The following STAMBP variants were observed in gnomAD, a reference collection of about 807,000 sequenced individuals.
The protein encoded by STAMBP is STAM-binding protein.
Under a neutral mutation model 50.7 loss-of-function variants are expected in STAMBP, and 31 were observed. That is an observed-to-expected ratio of 0.61 (90% CI 0.46 to 0.83). STAMBP has a LOEUF of 0.83. STAMBP is among the 40% of genes least tolerant of loss of function. The pLI is 0.00. For synonymous variants in STAMBP, 211 were observed against 192.4 expected, an observed-to-expected ratio of 1.10 and a Z score of -0.80; for missense variants, 472 against 518.9, an observed-to-expected ratio of 0.91 and a Z score of 0.88.
At chr2:73,843,495 C>G (rs1402219033) in intron 2 of STAMBP, among the ~76,000 whole-genome samples, 1 of 150,932 alleles carries the variant, frequency 6.6e-6, no homozygotes, top group Non-Finnish European at 1.5e-5. Flanking sequence ...TCTTGAACTC[C>G]TGGGCTCAAG....
chr2:73,833,249 T>G (rs922626211), intron 2 of STAMBP, among the ~76,000 whole-genome samples: 1 of 152,222 alleles, frequency 6.6e-6, no homozygotes, highest in African/African-American at 2.4e-5. Flanking sequence ...AACCTAACTC[T>G]TATGTTAAGT....
At chr2:73,838,461 T>C (rs1214962183) in intron 2 of STAMBP, among the ~76,000 whole-genome samples, 4 of 152,088 alleles carry the variant, frequency 2.6e-5, no homozygotes, top group African/African-American at 9.7e-5. Flanking sequence ...CGTGTGAACA[T>C]GTGTATGTAT....
At chr2:73,869,758 A>T (rs565719257), downstream of STAMBP, among the ~76,000 whole-genome samples, 1 of 152,266 alleles carries the variant, frequency 6.6e-6, no homozygotes, top group East Asian at 1.9e-4. Context: ...AAAATAAAAA[A>T]TAAACCTATA....
chr2:73,845,350 G>A, intron 4 of STAMBP, 88 bp downstream of exon 4: 1 of 913,944 alleles, frequency 1.1e-6, no homozygotes, highest in Non-Finnish European at 1.7e-6. Context: ...TATATCCTGT[G>A]CTTTTAATGT....
intron 7 of STAMBP, 44 bp from the exon 8 acceptor site, chr2:73,859,210 A>G (rs750869022): frequency 2.0e-6 from 3 of 1,514,716 alleles, no homozygotes; most frequent in East Asian, 2.3e-5. Context: ...AGGGATTACC[A>G]TATATCCTCG....
chr2:73,871,659 C>A (rs1202652760), downstream of STAMBP, among the ~76,000 whole-genome samples: 1 of 151,996 alleles, frequency 6.6e-6, no homozygotes, highest in Non-Finnish European at 1.5e-5. Flanking sequence ...ATTTTTTATT[C>A]ATCTCTAGGC....
rs775432100 is a variant in STAMBP at position 73,862,518 on chromosome 2, A to C, written c.*259A>C. 21 of 291,186 alleles carry C rather than the reference A, an allele frequency of 7.2e-5. No homozygotes were observed. The highest frequency in any genetic ancestry group is 1.3e-4 in the Non-Finnish European group (20 of 156,234). The allele number at this position is 291,186 out of a possible 1,614,324, so 18.0% of individuals were successfully genotyped here. On this transcript the variant is annotated 3_prime_UTR_variant, in exon 10 of 10. Coordinates refer to ENST00000394070, the MANE Select transcript of STAMBP (RefSeq NM_213622.4). ...AAGTTACTCAGAAATTAAGTAGCTC[A>C]GAAATTAAGAAAGAATGGTATAATG...
intron 2 of STAMBP, among the ~76,000 whole-genome samples, chr2:73,839,004 T>G (rs1675052799): frequency 6.6e-6 from 1 of 152,236 alleles, no homozygotes; most frequent in Non-Finnish European, 1.5e-5. Context: ...TCAATAACAG[T>G]GGCTCAGCTT....
chr2:73,847,081 C>CAA lies in STAMBP; in HGVS notation c.376-290_376-289dup, dbSNP rs10685610. ...TGGGAAACAGAATGAGACCCTGTCT[C>CAA]AAAAAAAAAAAAAAAAAGATTTCAG... On this transcript the variant is annotated intron_variant, in intron 4 of 9. Coordinates refer to ENST00000394070, the MANE Select transcript of STAMBP (RefSeq NM_213622.4). Among the ~76,000 whole-genome samples the CAA allele has an allele frequency of 0.058, 5,572 of 96,134 alleles. 445 individuals are homozygous for CAA. The highest frequency in any genetic ancestry group is 0.19 in the African/African-American group (5,118 of 26,874). 63.1% of individuals were successfully genotyped at this position (96,134 alleles called of 152,430 possible). A position where few individuals can be genotyped will look rare whatever the true frequency, so the allele number is the denominator to read the frequency against.
chr2:73,832,213 G>C (rs1674044377), intron 2 of STAMBP, among the ~76,000 whole-genome samples: 1 of 151,222 alleles, frequency 6.6e-6, no homozygotes, highest in Non-Finnish European at 1.5e-5. Flanking sequence ...CCAGCACTTT[G>C]GGAGGCCAGG....
downstream of STAMBP, chr2:73,870,006 T>G (rs1367561666): frequency 6.6e-6 from 1 of 152,228 alleles, no homozygotes; most frequent in Non-Finnish European, 1.5e-5. Context: ...TTAATATTAG[T>G]TATCTGTAGG....
At chr2:73,848,084 C>G (rs565667541) in intron 5 of STAMBP, among the ~76,000 whole-genome samples, 80 of 152,188 alleles carry the variant, frequency 5.3e-4, no homozygotes, top group Non-Finnish European at 1.0e-3. Flanking sequence ...CTCTGTGTCC[C>G]CTGCTCTGAC....
intron 7 of STAMBP, among the ~76,000 whole-genome samples, chr2:73,858,378 ATCTGCCCTCC>A (rs1172851300): frequency 6.6e-6 from 1 of 151,830 alleles, no homozygotes; most frequent in Non-Finnish European, 1.5e-5. Flanking sequence ...ACCTCAAATG[ATCTGCCCTCC>A]TCAGCCTCCC....
downstream of STAMBP, among the ~76,000 whole-genome samples, chr2:73,868,299 C>T (rs1333757095): frequency 2.6e-5 from 4 of 152,070 alleles, no homozygotes; most frequent in South Asian, 4.2e-4. Context: ...ATAAAGTATC[C>T]TAACTGCCAG....
intron 2 of STAMBP, among the ~76,000 whole-genome samples, chr2:73,840,667 C>G (rs1054766998): frequency 6.6e-6 from 1 of 151,122 alleles, no homozygotes; most frequent in African/African-American, 2.4e-5. Context: ...TCACTTGAAC[C>G]TGGGAGGTAG....
chr2:73,843,406 G>GTATATATATATATATATATATATATA (rs773798563), intron 2 of STAMBP, among the ~76,000 whole-genome samples: 25 of 129,900 alleles, frequency 1.9e-4, no homozygotes, highest in African/African-American at 8.3e-4. Flanking sequence ...GTTTGTGTAT[G>GTATATATATATATATATATATATATA]TATATATATA....
At chr2:73,858,971 A>G (rs1677944800) in intron 7 of STAMBP, among the ~76,000 whole-genome samples, 1 of 151,936 alleles carries the variant, frequency 6.6e-6, no homozygotes, top group South Asian at 2.1e-4. Context: ...TATATATGCT[A>G]TGTTTTTTTC....
At chr2:73,851,099 G>A (rs1176296727) in intron 7 of STAMBP, among the ~76,000 whole-genome samples, 1 of 152,066 alleles carries the variant, frequency 6.6e-6, no homozygotes, top group East Asian at 1.9e-4. Flanking sequence ...CACTCTCATA[G>A]CCCAAGCTGC....
chr2:73,850,250 A>G lies in STAMBP; in HGVS notation c.868-126A>G. On this transcript the variant is annotated intron_variant, in intron 6 of 9. Coordinates refer to ENST00000394070, the MANE Select transcript of STAMBP (RefSeq NM_213622.4). The surrounding 1 kb of genome is among the most constrained non-coding windows in gnomAD (Gnocchi z 4.3). ...CCAAGGTTGTGAACCACTGAGTGGC[A>G]GGACTCCTGCTGTGTGGGAAGGGCT... 7.9e-7 allele frequency: 1 copy of G among 1,258,620 alleles called. No homozygotes were observed. Among genetic ancestry groups the G allele is most frequent in the Non-Finnish European group, 1.1e-6 (1 of 917,478 alleles). 78.0% of individuals were successfully genotyped at this position (1,258,620 alleles called of 1,614,324 possible).
Sources: allele counts gnomAD v4.1 joint callset (sites outside exome capture counted in the v4.1 genomes callset), GRCh38; gene constraint gnomAD v4.1.1; non-coding constraint Gnocchi (gnomAD v3.1); transcripts MANE v1.5; gene names NCBI Gene and HGNC (gene_info 2026-07-23, HGNC 2026-07-21).